SP110: variants seen among roughly 807,000 people sequenced by gnomAD.
The protein encoded by SP110 is interferon-induced protein 41, 30kD.
A neutral mutation model predicts 92.7 loss-of-function variants in SP110; 62 were observed. The observed-to-expected ratio is 0.67, with a 90% CI of 0.55 to 0.83. The LOEUF (loss-of-function observed/expected upper bound fraction) is 0.83. Among genes scored for constraint, SP110 ranks in the 40% least tolerant of loss-of-function variants. The pLI is 0.00. For synonymous variants in SP110, 273 were observed against 305.3 expected, an observed-to-expected ratio of 0.89 and a Z score of 1.10; for missense variants, 793 against 863.9, an observed-to-expected ratio of 0.92 and a Z score of 1.03.
chr2:230,218,462 A>G (rs2045471826), intron 1 of SP110, among the ~76,000 whole-genome samples: 2 of 152,238 alleles, frequency 1.3e-5, no homozygotes, highest in Non-Finnish European at 2.9e-5. Context: ...GAAATCTACT[A>G]TCCACAATAT....
At chr2:230,188,078 G>A (rs183468016) in intron 10 of SP110, among the ~76,000 whole-genome samples, 53 of 152,220 alleles carry the variant, frequency 3.5e-4, no homozygotes, top group Non-Finnish European at 6.5e-4. Flanking sequence ...GATTGCCTTG[G>A]GCAGTGTGAT....
Position 230,200,900 on chromosome 2 carries a change from G to A in SP110, c.1114C>T (p.Arg372Ter), listed in dbSNP as rs199713399. The change falls in exon 10 of 19, where the codon CGA becomes TGA. Residue 372 changes from arginine to a stop codon, truncating the protein, a stop_gained. Coordinates refer to ENST00000258381, the MANE Select transcript of SP110 (RefSeq NM_080424.4). LOFTEE classifies it high-confidence loss of function. The stretch of plus-strand genomic sequence containing the variant: ...CAAGTTTTACCTTGTGTGACCCTTC[G>A]TGGTGTACTAGGCGTCTTCTGGGAC... ...KRSQKTPSTP[R>*]RVTQGAASPG... 1.4e-5 allele frequency: 22 copies of A among 1,612,646 alleles called. No individual in the cohort carries two copies. Among genetic ancestry groups the A allele is most frequent in the South Asian group, 2.2e-5 (2 of 91,022 alleles).
rs369659845 is a variant in SP110 at position 230,193,784 on chromosome 2, G to A, written c.1129+7101C>T. On this transcript the variant is annotated intron_variant, in intron 10 of 18. Transcript: ENST00000258381. Reference sequence around the variant, plus strand: ...CTGACTATTACATCAATAGGTTTCAGGGGGAGGGCAGATGCTTGCTAGAAT... The same window carrying A: ...CTGACTATTACATCAATAGGTTTCAAGGGGAGGGCAGATGCTTGCTAGAAT... Among the ~76,000 whole-genome samples the A allele has an allele frequency of 3.8e-4, 58 of 152,310 alleles. 1 individual carries two copies. The highest frequency in any genetic ancestry group is 1.2e-3 in the African/African-American group (50 of 41,570).
At chr2:230,193,126 CTG>C in intron 10 of SP110, among the ~76,000 whole-genome samples, 1 of 152,120 alleles carries the variant, frequency 6.6e-6, no homozygotes, top group East Asian at 1.9e-4. Context: ...CCTTTTTTTA[CTG>C]TTGTTGCTTT....
At position 230,166,503 on chromosome 2, in the gene SP110, C is replaced by G. The variant is rs549188349; in HGVS notation, c.*2621G>C. ...TATAGAGCAATCTCATTTATAAATA[C>G]AAATGTAAAATCCTCTGCAATGGTA... On this transcript the variant is annotated 3_prime_UTR_variant, in exon 19 of 19. Transcript: ENST00000258381. Among the ~76,000 whole-genome samples, 2 of 151,810 alleles carry G rather than the reference C, an allele frequency of 1.3e-5. No individual in the cohort carries two copies. The highest frequency in any genetic ancestry group is 3.9e-4 in the East Asian group (2 of 5,180).
At chr2:230,177,378 C>G (rs968661153) in intron 14 of SP110, 160 bp downstream of exon 14, 1 of 798,694 alleles carries the variant, frequency 1.3e-6, no homozygotes, top group African/African-American at 1.7e-5. Context: ...AATATGTGCT[C>G]CTAACTTTGT....
intron 1 of SP110, among the ~76,000 whole-genome samples, chr2:230,218,187 G>C (rs1390684395): frequency 6.6e-6 from 1 of 152,178 alleles, no homozygotes. Flanking sequence ...TTAACAAACA[G>C]AACAAACATG....
Position 230,202,698 on chromosome 2 carries a change from T to G in SP110, c.929A>C (p.Lys310Thr), listed in dbSNP as rs200591551. ...GTASSRHGIQ[K>T]KLKRVDQVPQ... is the part of the protein sequence containing the mutation. ...AACCTGATCCACCCTTTTGAGCTTCTTTTGGATTCCGTGTCTAGATGAGGC... is the reference window on the plus strand; with the variant it reads ...AACCTGATCCACCCTTTTGAGCTTCGTTTGGATTCCGTGTCTAGATGAGGC... The change falls in exon 9 of 19, where the codon AAG becomes ACG. Residue 310 changes from lysine to threonine, a missense_variant. Physicochemically the swap from Lys to Thr is moderately conservative, Grantham distance 78. Transcript: ENST00000258381. 128 of 1,614,174 alleles carry G rather than the reference T, an allele frequency of 7.9e-5. No homozygotes were observed. The highest frequency in any genetic ancestry group is 1.0e-4 in the Non-Finnish European group (122 of 1,179,988).
chr2:230,204,108 A>T (rs1337409260), intron 8 of SP110, among the ~76,000 whole-genome samples: 1 of 152,220 alleles, frequency 6.6e-6, no homozygotes, highest in Non-Finnish European at 1.5e-5. Context: ...AAACCTGAAA[A>T]ATTTCATTTA....
chr2:230,188,118 A>AC (rs2042441469), intron 10 of SP110, among the ~76,000 whole-genome samples: 1 of 152,230 alleles, frequency 6.6e-6, no homozygotes, highest in African/African-American at 2.4e-5. Context: ...CCAATCCATG[A>AC]ACATGGGATG....
chr2:230,191,882 C>T (rs2042648275), intron 10 of SP110, among the ~76,000 whole-genome samples: 1 of 152,040 alleles, frequency 6.6e-6, no homozygotes, highest in Admixed American at 6.6e-5. Context: ...TACGAAAATC[C>T]TCAATAAAAT....
chr2:230,173,234 C>T (rs1285083036), intron 14 of SP110: 3 of 412,546 alleles, frequency 7.3e-6, no homozygotes, highest in African/African-American at 2.0e-5. Flanking sequence ...TGTGCTGCTG[C>T]CTGCTGGCAA....
chr2:230,205,996 G>A (rs2043754130), intron 8 of SP110, among the ~76,000 whole-genome samples: 1 of 152,138 alleles, frequency 6.6e-6, no homozygotes, highest in African/African-American at 2.4e-5. Context: ...AGTAGAATGG[G>A]GGAGAAAGCA....
At chr2:230,222,212 AGAGT>A (rs774577680), upstream of SP110, among the ~76,000 whole-genome samples, 22 of 151,104 alleles carry the variant, frequency 1.5e-4, no homozygotes, top group Non-Finnish European at 3.0e-4. Flanking sequence ...CCTGAGCAAC[AGAGT>A]GAGATCCCGC....
In SP110 at chr2:230,173,417, A is replaced by G. The variant is rs73097895; in HGVS notation, c.1591-458T>C. 1,350 of 224,354 alleles carry G rather than the reference A, an allele frequency of 6.0e-3. 14 individuals carry two copies. Among genetic ancestry groups the G allele is most frequent in the African/African-American group, 0.028 (1,235 of 44,678 alleles). 13.9% of individuals were successfully genotyped at this position (224,354 alleles called of 1,614,324 possible). On this transcript the variant is annotated intron_variant, in intron 14 of 18. Transcript: ENST00000258381. ...AACTGCCCCATGGTCGTAACATAAC[A>G]TGGCCCTAAAATGTTCCACAGTGGG...
intron 18 of SP110, among the ~76,000 whole-genome samples, chr2:230,170,332 G>A (rs942042059): frequency 2.0e-5 from 3 of 152,090 alleles, no homozygotes; most frequent in Non-Finnish European, 4.4e-5. Context: ...TGAACAAAGA[G>A]GCTGGATGCC....
At chr2:230,192,570 C>T (rs1200684503) in intron 10 of SP110, among the ~76,000 whole-genome samples, 1 of 152,100 alleles carries the variant, frequency 6.6e-6, no homozygotes, top group Non-Finnish European at 1.5e-5. Context: ...AGGAATACAG[C>T]TAACAGAGGA....
chr2:230,204,954 G>T (rs1183240255), intron 8 of SP110, among the ~76,000 whole-genome samples: 1 of 152,170 alleles, frequency 6.6e-6, no homozygotes, highest in African/African-American at 2.4e-5. Flanking sequence ...GTGGTTGACT[G>T]GAGTTTTGAG....
chr2:230,192,239 C>G (rs2042667935), intron 10 of SP110, among the ~76,000 whole-genome samples: 1 of 152,174 alleles, frequency 6.6e-6, no homozygotes, highest in African/African-American at 2.4e-5. Flanking sequence ...CAAGGATGCC[C>G]TCTCTCACCA....
Sources: allele counts gnomAD v4.1 joint callset (sites outside exome capture counted in the v4.1 genomes callset), GRCh38; gene constraint gnomAD v4.1.1; transcripts MANE v1.5; gene names NCBI Gene and HGNC (gene_info 2026-07-23, HGNC 2026-07-21).